SIM1: variants seen among roughly 807,000 people sequenced by gnomAD.
SIM1 encodes the protein SIM bHLH transcription factor 1.
A neutral mutation model predicts 78.2 loss-of-function variants in SIM1; 18 were observed. The ratio of observed to expected loss-of-function variants is 0.23; its 90% CI spans 0.16 to 0.34. The LOEUF (loss-of-function observed/expected upper bound fraction) is 0.34, where lower values mean the gene tolerates loss of function less well. Among genes scored for constraint, SIM1 ranks in the 10% least tolerant of loss-of-function variants. The pLI, the probability that SIM1 is intolerant of heterozygous loss-of-function variation, is 1.00. For missense variants in SIM1, 939 were observed against 975.1 expected (o/e 0.96, Z 0.49); for synonymous variants, 417 against 385.2 (o/e 1.08, Z -0.97).
rs374252955 is a variant in SIM1, at chr6:100,450,665, GTCTCTCTCTC to G, written c.259-319_259-310del. Among the ~76,000 whole-genome samples the G allele has an allele frequency of 5.4e-4, 63 of 117,306 alleles. 1 individual carries two copies. Among genetic ancestry groups the G allele is most frequent in the African/African-American group, 2.0e-3 (61 of 29,952 alleles). The allele number at this position is 117,306 out of a possible 152,430, so 77.0% of individuals were successfully genotyped here. A position where few individuals can be genotyped will look rare whatever the true frequency, so the allele number is the denominator to read the frequency against. On this transcript the variant is annotated intron_variant, in intron 3 of 11. Transcript: ENST00000369208. ...TACATCCATAAAACACACACACACT[GTCTCTCTCTC>G]TCTCTCTCTCTCTCTCTCTCTCACA...
intron 1 of SIM1, among the ~76,000 whole-genome samples, chr6:100,464,202 G>A (rs1366092515): frequency 6.6e-6 from 1 of 152,290 alleles, no homozygotes; most frequent in African/African-American, 2.4e-5. Flanking sequence ...GACCCGCAAG[G>A]GATCTTCCGC....
chr6:100,407,670 C>T (rs9399566), intron 10 of SIM1, among the ~76,000 whole-genome samples: 21,198 of 151,910 alleles, frequency 0.14, 1,934 homozygotes, highest in East Asian at 0.43. Context: ...CTCATTGAGG[C>T]TTTGATTTGC....
chr6:100,431,429 G>T (rs1164413160), intron 9 of SIM1, among the ~76,000 whole-genome samples: 3 of 152,120 alleles, frequency 2.0e-5, no homozygotes, highest in African/African-American at 7.2e-5. Flanking sequence ...TTATTTAAAT[G>T]ACTAAAATAA....
chr6:100,458,006 TTCTC>T (rs71028024), intron 2 of SIM1, among the ~76,000 whole-genome samples: 179 of 90,108 alleles, frequency 2.0e-3, no homozygotes, highest in Middle Eastern at 5.5e-3. Context: ...GTCTCTCTCT[TTCTC>T]TCTCTCTCTC....
chr6:100,394,779 A>G (rs1770729223), intron 10 of SIM1, among the ~76,000 whole-genome samples: 1 of 152,178 alleles, frequency 6.6e-6, no homozygotes, highest in South Asian at 2.1e-4. Context: ...AATCTTCATT[A>G]AGTTAACTCT....
intron 9 of SIM1, among the ~76,000 whole-genome samples, chr6:100,422,445 C>T (rs1369460927): frequency 2.0e-5 from 3 of 152,178 alleles, no homozygotes; most frequent in African/African-American, 4.8e-5. Context: ...TCAGGTGATC[C>T]ACCCACCTTG....
At chr6:100,405,137 C>T (rs979779226) in intron 10 of SIM1, among the ~76,000 whole-genome samples, 2 of 151,690 alleles carry the variant, frequency 1.3e-5, no homozygotes, top group African/African-American at 4.8e-5. Context: ...CTAGACAAGT[C>T]TCACAAATTT....
In SIM1 at chr6:100,390,403, T is replaced by C. The variant is rs146379214; in HGVS notation, c.2259A>G (p.Gln753=). 24 of 1,614,158 alleles carry C rather than the reference T, an allele frequency of 1.5e-5. No individual in the cohort carries two copies. In the African/African-American group the frequency reaches 2.3e-4, roughly 15 times the overall value. The part of the protein sequence containing the change: ...SHLRMQPDPA[Q]GHKGTSVIIT... ...TTATAACAGATGTTCCCTTGTGTCC[T>C]TGTGCTGGGTCTGGTTGCATCCTCA... The change falls in exon 12 of 12, where the codon CAA becomes CAG. Residue 753 remains glutamine, a synonymous_variant. Coordinates refer to ENST00000369208, the MANE Select transcript of SIM1 (RefSeq NM_005068.3).
intron 10 of SIM1, among the ~76,000 whole-genome samples, chr6:100,408,623 G>A (rs1463943574): frequency 2.0e-5 from 3 of 152,020 alleles, no homozygotes; most frequent in Admixed American, 1.3e-4. Context: ...TATCATGAAA[G>A]GATGTTGAAT....
At chr6:100,412,616 G>GA (rs1562239678) in intron 10 of SIM1, among the ~76,000 whole-genome samples, 8 of 91,876 alleles carry the variant, frequency 8.7e-5, no homozygotes, top group African/African-American at 2.7e-4. Flanking sequence ...AGAAAGGAAA[G>GA]AAAGAAGGAA....
chr6:100,417,062 T>G (rs9390366), intron 10 of SIM1, among the ~76,000 whole-genome samples: 33,091 of 151,946 alleles, frequency 0.22, 4,423 homozygotes, highest in East Asian at 0.6. Flanking sequence ...CACTTCTTCT[T>G]TGCTCTCATT....
chr6:100,436,703 C>T (rs967588853), intron 9 of SIM1, among the ~76,000 whole-genome samples: 4 of 150,478 alleles, frequency 2.7e-5, no homozygotes, highest in Non-Finnish European at 3.0e-5. Context: ...TTGTTGTTGT[C>T]GTTGTTTTTT....
rs1395119 is a variant in SIM1, at chr6:100,390,013, T to A, written c.*348A>T. Reference sequence around the variant, plus strand: ...AGTTTGTAAGTAATAGTTTGTGTGTTTGAGGATCACTGGATAGTCACAATG... The same window carrying A: ...AGTTTGTAAGTAATAGTTTGTGTGTATGAGGATCACTGGATAGTCACAATG... On this transcript the variant is annotated 3_prime_UTR_variant, in exon 12 of 12. Transcript: ENST00000369208. 0.38 allele frequency: 145,769 copies of A among 385,692 alleles called. 30,290 individuals carry two copies. Among genetic ancestry groups the A allele is most frequent in the East Asian group, 0.75 (19,548 of 25,940 alleles). The allele number at this position is 385,692 out of a possible 1,614,324, so 23.9% of individuals were successfully genotyped here. A position where few individuals can be genotyped will look rare whatever the true frequency, so the allele number is the denominator to read the frequency against.
At chr6:100,451,329 A>G (rs1272867701) in intron 3 of SIM1, among the ~76,000 whole-genome samples, 1 of 152,174 alleles carries the variant, frequency 6.6e-6, no homozygotes, top group East Asian at 1.9e-4. Flanking sequence ...GAAGTGGCCA[A>G]GTCTGCTGGG....
chr6:100,433,816 C>T (rs1385003322), intron 9 of SIM1, among the ~76,000 whole-genome samples: 1 of 140,270 alleles, frequency 7.1e-6, no homozygotes, highest in Non-Finnish European at 1.5e-5. Context: ...ACTTACATTT[C>T]ATGAGGGTAG....
chr6:100,421,063 C>G (rs1771567264), intron 9 of SIM1, 105 bp from the exon 10 acceptor site: 1 of 1,217,060 alleles, frequency 8.2e-7, no homozygotes, highest in Non-Finnish European at 1.1e-6. Flanking sequence ...AGAAGGCAAG[C>G]AAAAGTTAGC....
chr6:100,431,249 T>C (rs924040521), intron 9 of SIM1, among the ~76,000 whole-genome samples: 6 of 152,224 alleles, frequency 3.9e-5, no homozygotes, highest in Admixed American at 6.5e-5. Flanking sequence ...TTAAACCTCT[T>C]CTAGATAGTT....
intron 10 of SIM1, among the ~76,000 whole-genome samples, chr6:100,411,236 T>A (rs1005157028): frequency 9.2e-5 from 14 of 152,206 alleles, no homozygotes; most frequent in Admixed American, 6.5e-4. Flanking sequence ...GCAATTATTT[T>A]ATTATCAAAA....
intron 8 of SIM1, 101 bp from the exon 9 acceptor site, chr6:100,447,516 C>T (rs993359607): frequency 1.6e-6 from 2 of 1,288,360 alleles, no homozygotes; most frequent in Non-Finnish European, 2.2e-6. Context: ...CCTGTGGGCC[C>T]TAATAACTGC....
Sources: allele counts gnomAD v4.1 joint callset (sites outside exome capture counted in the v4.1 genomes callset), GRCh38; gene constraint gnomAD v4.1.1; transcripts MANE v1.5; gene names NCBI Gene and HGNC (gene_info 2026-07-23, HGNC 2026-07-21).